The following RNF6 variants were observed in gnomAD, a reference collection of about 807,000 sequenced individuals.
RNF6 encodes the protein ring finger protein 6.
A neutral mutation model predicts 50.1 loss-of-function variants in RNF6; 21 were observed. The observed-to-expected ratio is 0.42, with a 90% confidence interval of 0.30 to 0.60. RNF6 has a LOEUF of 0.60. RNF6 is among the 20% of genes least tolerant of loss of function. RNF6 has a pLI of 0.20. For missense variants in RNF6, 698 were observed against 838.2 expected (o/e 0.83, Z 2.07); for synonymous variants, 255 against 291.8 (o/e 0.87, Z 1.29).
intron 5 of RNF6, among the ~76,000 whole-genome samples, chr13:26,168,341 C>T (rs1456533975): frequency 6.6e-6 from 1 of 152,160 alleles, no homozygotes; most frequent in Non-Finnish European, 1.5e-5. Flanking sequence ...CAGACAGGCC[C>T]TTCTGCGTGA....
chr13:26,133,373 G>GT (rs1262647391), intron 5 of RNF6, among the ~76,000 whole-genome samples: 1 of 152,102 alleles, frequency 6.6e-6, no homozygotes, highest in Non-Finnish European at 1.5e-5. Flanking sequence ...TACAGTTTGT[G>GT]TTTTTTGGCA....
At chr13:26,181,617 A>G (rs1413436047) in intron 5 of RNF6, among the ~76,000 whole-genome samples, 2 of 152,184 alleles carry the variant, frequency 1.3e-5, no homozygotes, top group Non-Finnish European at 2.9e-5. Context: ...ACCAAGCTAT[A>G]CCATTGGTAG....
chr13:26,177,259 T>C (rs1314450133), intron 5 of RNF6, among the ~76,000 whole-genome samples: 2 of 152,210 alleles, frequency 1.3e-5, no homozygotes, highest in Non-Finnish European at 2.9e-5. Context: ...AAGCAGTGTC[T>C]ATACCAGCGA....
At chr13:26,207,541 G>C in intron 5 of RNF6, among the ~76,000 whole-genome samples, 1 of 152,280 alleles carries the variant, frequency 6.6e-6, no homozygotes, top group East Asian at 1.9e-4. Context: ...AAGGATGCAG[G>C]TTGATTCATT....
At chr13:26,208,089 G>T (rs1869180221), downstream of RNF6, among the ~76,000 whole-genome samples, 1 of 152,242 alleles carries the variant, frequency 6.6e-6, no homozygotes, top group Admixed American at 6.5e-5. Context: ...TGGAGAAGAA[G>T]ATTTAGGTGT....
intron 5 of RNF6, among the ~76,000 whole-genome samples, chr13:26,162,235 A>G (rs1056645624): frequency 6.6e-5 from 10 of 152,112 alleles, no homozygotes; most frequent in African/African-American, 2.2e-4. Flanking sequence ...AGAGCCAGGT[A>G]CCAGGCCACT....
chr13:26,135,967 C>T (rs1304696910), intron 5 of RNF6, among the ~76,000 whole-genome samples: 1 of 152,180 alleles, frequency 6.6e-6, no homozygotes, highest in Non-Finnish European at 1.5e-5. Flanking sequence ...CAGGGGCCTT[C>T]ACCAGAAGCA....
intron 5 of RNF6, among the ~76,000 whole-genome samples, chr13:26,206,153 C>G (rs1413888971): frequency 2.6e-5 from 4 of 152,332 alleles, no homozygotes; most frequent in Non-Finnish European, 5.9e-5. Flanking sequence ...CCAGCCAGCC[C>G]TTTGACTGGG....
chr13:26,209,003 C>T (rs1869213999), downstream of RNF6, among the ~76,000 whole-genome samples: 1 of 152,206 alleles, frequency 6.6e-6, no homozygotes, highest in African/African-American at 2.4e-5. Flanking sequence ...AGGACCATGG[C>T]TATTCCTTTA....
chr13:26,223,008 A>G (rs1255726825), upstream of RNF6, among the ~76,000 whole-genome samples: 1 of 152,104 alleles, frequency 6.6e-6, no homozygotes, highest in African/African-American at 2.4e-5. Context: ...AGGCTTACTA[A>G]ACTTACCTCA....
chr13:26,180,865 C>G (rs1403496219), intron 5 of RNF6, among the ~76,000 whole-genome samples: 3 of 152,214 alleles, frequency 2.0e-5, no homozygotes, highest in Non-Finnish European at 4.4e-5. Context: ...GTTGTCAGTC[C>G]AGGGCCCACT....
chr13:26,214,773 G>C lies in RNF6; in HGVS notation c.1109C>G (p.Ser370Ter). 1.2e-6 allele frequency: 2 copies of C among 1,614,162 alleles called. No homozygotes were observed. Among genetic ancestry groups the C allele is most frequent in the East Asian group, 4.5e-5 (2 of 44,880 alleles). Residue 370 changes from serine to a stop codon, truncating the protein, a stop_gained, in exon 5 of 5, where the codon TCA becomes TGA. Coordinates refer to ENST00000381588, the MANE Select transcript of RNF6 (RefSeq NM_005977.4). LOFTEE classifies it high-confidence loss of function. ...RGTAYTPFSN[S>*]RLVSRITVEE... ...TACTGTTATTCTTGACACAAGCCTT[G>C]AATTAGAGAATGGGGTATATGCAGT...
chr13:26,198,136 A>C (rs1321670616), intron 5 of RNF6, among the ~76,000 whole-genome samples: 1 of 151,466 alleles, frequency 6.6e-6, no homozygotes, highest in African/African-American at 2.4e-5. Context: ...GTGTATATAT[A>C]TATATATACA....
At chr13:26,148,888 C>T (rs1186772809) in intron 5 of RNF6, among the ~76,000 whole-genome samples, 1 of 151,242 alleles carries the variant, frequency 6.6e-6, no homozygotes, top group African/African-American at 2.4e-5. Flanking sequence ...AGTTCAAAAG[C>T]AAGAAAAAGC....
intron 5 of RNF6, among the ~76,000 whole-genome samples, chr13:26,194,548 C>T (rs1868584686): frequency 6.6e-6 from 1 of 152,000 alleles, no homozygotes; most frequent in Non-Finnish European, 1.5e-5. Flanking sequence ...TCATCATGTC[C>T]AGGTATCAAG....
intron 5 of RNF6, among the ~76,000 whole-genome samples, chr13:26,139,053 A>G (rs1016783748): frequency 3.3e-5 from 5 of 152,162 alleles, no homozygotes; most frequent in African/African-American, 1.2e-4. Context: ...ATGTTTCGAC[A>G]TCTTAAAATT....
chr13:26,200,101 C>T (rs73158297), intron 5 of RNF6, among the ~76,000 whole-genome samples: 10,619 of 152,188 alleles, frequency 0.07, 472 homozygotes, highest in African/African-American at 0.11. Context: ...TTGCACTTCC[C>T]GACCTCCAGA....
At chr13:26,220,156 T>G (rs574475005) in intron 2 of RNF6, among the ~76,000 whole-genome samples, 1 of 152,320 alleles carries the variant, frequency 6.6e-6, no homozygotes, top group African/African-American at 2.4e-5. Flanking sequence ...TGTAATATTA[T>G]CCCCCACTGC....
intron 5 of RNF6, among the ~76,000 whole-genome samples, chr13:26,171,610 G>A (rs1007625238): frequency 2.0e-5 from 3 of 152,164 alleles, no homozygotes; most frequent in African/African-American, 7.2e-5. Context: ...GTTCATAGCA[G>A]CATTATCCAC....
Sources: gnomAD v4.1 joint callset for allele counts (sites outside exome capture counted in the v4.1 genomes callset) on GRCh38, gnomAD v4.1.1 for gene constraint, MANE v1.5 for transcripts, NCBI Gene and HGNC (gene_info 2026-07-23, HGNC 2026-07-21) for gene names.